The following TENM3 variants were observed in gnomAD, a reference collection of about 807,000 sequenced individuals.
The protein encoded by TENM3 is teneurin-3.
In TENM3, 63 loss-of-function variants were observed where a neutral mutation model predicts 255.1. The observed-to-expected ratio is 0.25, with a 90% CI of 0.20 to 0.30. The LOEUF (loss-of-function observed/expected upper bound fraction) is 0.30. TENM3 is among the 10% of genes least tolerant of loss of function. The pLI is 1.00. For synonymous variants in TENM3, 1,306 were observed against 1,322.3 expected (o/e 0.99, Z 0.27); for missense variants, 2,929 against 3,461.1 (o/e 0.85, Z 3.86).
At chr4:182,523,165 TTGTG>T (rs573371837) in intron 3 of TENM3, among the ~76,000 whole-genome samples, 5 of 151,446 alleles carry the variant, frequency 3.3e-5, no homozygotes, top group African/African-American at 9.7e-5. Flanking sequence ...TTTTTTGTTT[TTGTG>T]TGTGTGTGTG....
chr4:181,681,168 A>G, the TENM3 span, among the ~76,000 whole-genome samples: 15 of 152,204 alleles, frequency 9.9e-5, no homozygotes, highest in South Asian at 2.1e-4. Context: ...AACAGAGGGC[A>G]GAAGAGAGTA....
In TENM3 at chr4:182,793,391, C is replaced by T; in HGVS notation, c.6719C>T (p.Thr2240Ile). The T allele has an allele frequency of 6.2e-7, 1 of 1,613,880 alleles. No homozygotes were observed. Among genetic ancestry groups the T allele is most frequent in the South Asian group, 1.1e-5 (1 of 91,080 alleles). Residue 2240 changes from threonine (T) to isoleucine (I), a missense_variant, in exon 26 of 28, where the codon ACC becomes ATC. Around this residue, in one of 6 missense-constraint regions of TENM3, gnomAD observed 256 missense variants for 389.3 expected, o/e 0.66. Transcript: ENST00000511685. This position sits in a 1 kb window ranked among gnomAD's most constrained non-coding sequence, Gnocchi z 5.7. ...CTGGGAAGGCGTGTTTCTAGCAAAA[C>T]CAGTCTAGGACAGCACCTGCAGTTT... ...DGLGRRVSSK[T>I]SLGQHLQFFY...
At chr4:181,528,755 A>G in the TENM3 span, among the ~76,000 whole-genome samples, 1 of 152,172 alleles carries the variant, frequency 6.6e-6, no homozygotes, top group Non-Finnish European at 1.5e-5. Context: ...ACTCTCCACC[A>G]CTGTGCAATG....
intron 2 of TENM3, among the ~76,000 whole-genome samples, chr4:182,345,049 A>G (rs1051658846): frequency 7.9e-5 from 12 of 152,080 alleles, no homozygotes; most frequent in African/African-American, 2.7e-4. Context: ...TTTGGTTCAG[A>G]TACGTGTTCA....
the TENM3 span, among the ~76,000 whole-genome samples, chr4:182,066,404 A>G: frequency 6.6e-6 from 1 of 152,136 alleles, no homozygotes; most frequent in Non-Finnish European, 1.5e-5. Flanking sequence ...AATGATGTCA[A>G]TAACAACAAC....
chr4:181,526,597 C>A, the TENM3 span, among the ~76,000 whole-genome samples: 1 of 152,106 alleles, frequency 6.6e-6, no homozygotes, highest in Admixed American at 6.5e-5. Context: ...TGGTCCTTTG[C>A]ACTCTTCGAG....
At chr4:182,304,398 G>C (rs562279686) in intron 1 of TENM3, among the ~76,000 whole-genome samples, 1 of 152,208 alleles carries the variant, frequency 6.6e-6, no homozygotes. Flanking sequence ...ATTTTTAGTA[G>C]AGATGGGGTT....
chr4:182,605,092 C>T (rs1341998983), intron 4 of TENM3, among the ~76,000 whole-genome samples: 1 of 152,120 alleles, frequency 6.6e-6, no homozygotes, highest in Admixed American at 6.5e-5. Context: ...GCCTTGCTGA[C>T]GTGTGTCTGC....
intron 1 of TENM3, among the ~76,000 whole-genome samples, chr4:182,302,664 C>T (rs528084597): frequency 3.9e-5 from 6 of 151,930 alleles, no homozygotes; most frequent in African/African-American, 1.5e-4. Flanking sequence ...ATTTAAGGAG[C>T]GTGTGATAAA....
At chr4:182,728,914 T>C (rs1465098478) in intron 13 of TENM3, 51 bp from the exon 14 acceptor site, 23 of 1,441,464 alleles carry the variant, frequency 1.6e-5, no homozygotes, top group Non-Finnish European at 2.2e-5. Context: ...TGATTCTACA[T>C]TATGGCATCA....
chr4:182,337,274 A>G (rs539786580), intron 2 of TENM3, among the ~76,000 whole-genome samples: 2 of 152,346 alleles, frequency 1.3e-5, no homozygotes, highest in East Asian at 3.9e-4. Context: ...CAAATCCACA[A>G]TCTGGGAGAA....
intron 3 of TENM3, among the ~76,000 whole-genome samples, chr4:182,465,450 A>G (rs1054541770): frequency 6.6e-6 from 1 of 152,152 alleles, no homozygotes; most frequent in Non-Finnish European, 1.5e-5. Context: ...GCCTTAGTAG[A>G]CACTGAATCT....
the TENM3 span, among the ~76,000 whole-genome samples, chr4:182,033,848 G>A: frequency 6.6e-6 from 1 of 152,080 alleles, no homozygotes; most frequent in Non-Finnish European, 1.5e-5. Context: ...CCAAAGACTA[G>A]GATTGCAGCA....
chr4:182,045,366 G>A, the TENM3 span, among the ~76,000 whole-genome samples: 1 of 148,726 alleles, frequency 6.7e-6, no homozygotes, highest in Non-Finnish European at 1.5e-5. Context: ...TTCTAAGTAC[G>A]ATGTCCATGT....
At chr4:182,153,042 C>T (rs909509459) in intron 1 of TENM3, among the ~76,000 whole-genome samples, 4 of 151,778 alleles carry the variant, frequency 2.6e-5, no homozygotes, top group Admixed American at 2.0e-4. Flanking sequence ...TACACTTGGG[C>T]TTTTATCTTT....
At chr4:181,630,714 A>T in the TENM3 span, among the ~76,000 whole-genome samples, 11,559 of 152,174 alleles carry the variant, frequency 0.076, 505 homozygotes, top group East Asian at 0.14. Context: ...CAGTTTGTTA[A>T]AATTTCTGTT....
chr4:181,807,023 C>T, the TENM3 span, among the ~76,000 whole-genome samples: 2 of 152,178 alleles, frequency 1.3e-5, no homozygotes, highest in Admixed American at 6.5e-5. Flanking sequence ...CACAAATGCT[C>T]CTCCTTCACC....
intron 5 of TENM3, among the ~76,000 whole-genome samples, chr4:182,633,301 G>A (rs1017450964): frequency 6.6e-6 from 1 of 152,298 alleles, no homozygotes; most frequent in South Asian, 2.1e-4. Context: ...CTATTTTTAA[G>A]TTAACATTTT....
chr4:182,687,159 C>T (rs1035967473), intron 11 of TENM3, among the ~76,000 whole-genome samples: 2 of 151,978 alleles, frequency 1.3e-5, no homozygotes, highest in African/African-American at 4.8e-5. Flanking sequence ...AGTACATTTT[C>T]TGTTTGTTAG....
Sources: gnomAD v4.1 joint callset for allele counts (sites outside exome capture counted in the v4.1 genomes callset) on GRCh38, gnomAD v4.1.1 for gene constraint, gnomAD v4.1.1 regional missense constraint, Gnocchi (gnomAD v3.1) non-coding constraint, MANE v1.5 for transcripts, NCBI Gene and HGNC (gene_info 2026-07-23, HGNC 2026-07-21) for gene names.